USP37: variants seen among roughly 807,000 people sequenced by gnomAD.
USP37 encodes ubiquitin specific peptidase 37, also known as ubiquitin carboxyl-terminal hydrolase 37.
A neutral mutation model predicts 124.0 loss-of-function variants in USP37; 27 were observed. The observed-to-expected ratio is 0.22, with a 90% confidence interval of 0.16 to 0.30. The LOEUF (loss-of-function observed/expected upper bound fraction) is 0.30. USP37 is among the 10% of genes least tolerant of loss of function. USP37 has a pLI of 1.00. For synonymous variants in USP37, 365 were observed against 388.0 expected (o/e 0.94, Z 0.70); for missense variants, 889 against 1,140.4 (o/e 0.78, Z 3.17).
chr2:218,495,685 G>T (rs1689046360), intron 14 of USP37, 75 bp downstream of exon 14: 2 of 1,435,648 alleles, frequency 1.4e-6, no homozygotes, highest in Admixed American at 4.5e-5. Context: ...CATGGCATTT[G>T]GTATGTCATA....
At position 218,514,099 on chromosome 2, in the gene USP37, G is replaced by A. The variant is rs559258190; in HGVS notation, c.864-3959C>T. 3.3e-5 allele frequency among the ~76,000 whole-genome samples: 5 copies of A among 152,198 alleles called. No individual in the cohort carries two copies. In the South Asian group the frequency reaches 6.2e-4, roughly 19 times the overall value. ...CTCCCAAAGTGCTGGGATTACAGGC[G>A]TGAGTCACTGCACCTCGCCTGAAAC... On this transcript the variant is annotated intron_variant, in intron 10 of 25. Coordinates refer to ENST00000258399, the MANE Select transcript of USP37 (RefSeq NM_020935.3).
At chr2:218,534,029 A>G (rs945226122) in intron 9 of USP37, among the ~76,000 whole-genome samples, 5 of 152,244 alleles carry the variant, frequency 3.3e-5, no homozygotes, top group East Asian at 1.9e-4. Flanking sequence ...AATTCATTCT[A>G]TGGTCCTGGT....
intron 20 of USP37, among the ~76,000 whole-genome samples, chr2:218,467,064 ATG>A (rs1023059688): frequency 2.0e-5 from 3 of 152,090 alleles, no homozygotes; most frequent in African/African-American, 7.2e-5. Flanking sequence ...TATGTTGAAC[ATG>A]TGTTTAAACA....
intron 20 of USP37, among the ~76,000 whole-genome samples, chr2:218,467,940 T>C (rs574941946): frequency 1.3e-5 from 2 of 150,786 alleles, no homozygotes; most frequent in Admixed American, 1.3e-4. Flanking sequence ...CAGGGTGGAG[T>C]GCAGCGGCAC....
chr2:218,556,123 T>A (rs1440030798), intron 4 of USP37, among the ~76,000 whole-genome samples: 1 of 152,216 alleles, frequency 6.6e-6, no homozygotes, highest in Non-Finnish European at 1.5e-5. Flanking sequence ...TCTGCTTTCC[T>A]TATGACAAAC....
At chr2:218,525,478 T>C (rs767438049) in intron 10 of USP37, among the ~76,000 whole-genome samples, 12 of 152,200 alleles carry the variant, frequency 7.9e-5, no homozygotes, top group Non-Finnish European at 1.2e-4. Context: ...AGTGAGACCC[T>C]GTCTAAAAAA....
intron 8 of USP37, among the ~76,000 whole-genome samples, chr2:218,541,194 C>T (rs1691951959): frequency 6.6e-6 from 1 of 152,002 alleles, no homozygotes; most frequent in Non-Finnish European, 1.5e-5. Flanking sequence ...GTCCTAGTTC[C>T]CAGAGGGGGT....
intron 15 of USP37, chr2:218,485,993 A>G: frequency 2.5e-6 from 1 of 405,474 alleles, no homozygotes; most frequent in Non-Finnish European, 4.3e-6. Flanking sequence ...AATTTATGAT[A>G]GTAACTAGAC....
chr2:218,527,727 G>GAA (rs1225944430), intron 10 of USP37, among the ~76,000 whole-genome samples: 1 of 152,130 alleles, frequency 6.6e-6, no homozygotes, highest in African/African-American at 2.4e-5. Context: ...CTAATAAGCA[G>GAA]AAATATGTCA....
intron 20 of USP37, among the ~76,000 whole-genome samples, chr2:218,468,854 C>T (rs773964221): frequency 2.6e-5 from 4 of 151,970 alleles, no homozygotes; most frequent in Non-Finnish European, 2.9e-5. Context: ...CCACCACACC[C>T]GGCTCATTTT....
At chr2:218,458,497 AG>A (rs1448201734) in intron 23 of USP37, among the ~76,000 whole-genome samples, 14 of 151,032 alleles carry the variant, frequency 9.3e-5, no homozygotes, top group Non-Finnish European at 1.8e-4. Context: ...GCTTGAGCCC[AG>A]GAAGTGGAGG....
At chr2:218,497,894 CA>C in intron 12 of USP37, 37 bp from the exon 13 acceptor site, 1 of 1,604,372 alleles carries the variant, frequency 6.2e-7, no homozygotes, top group South Asian at 1.1e-5. Context: ...GCACGTTTTA[CA>C]TGACATGGCG....
rs1174645659 is a variant in USP37 at position 218,455,597 on chromosome 2, G to C, written c.2835C>G (p.Ile945Met). 6.2e-7 allele frequency: 1 copy of C among 1,613,040 alleles called. No homozygotes were observed. Among genetic ancestry groups the C allele is most frequent in the African/African-American group, 1.3e-5 (1 of 74,734 alleles). ...VQSDRDRSGYIFFYMHKEIFD... is the reference protein window; with the variant it reads ...VQSDRDRSGYMFFYMHKEIFD... ...TTTCTTACTTGTGCATATAAAAGAAGATGTAGCCACTCCGATCTCGATCAC... is the reference window on the plus strand; with the variant it reads ...TTTCTTACTTGTGCATATAAAAGAACATGTAGCCACTCCGATCTCGATCAC... The change falls in exon 25 of 26, where the codon ATC (isoleucine) becomes ATG (methionine). Residue 945 changes from isoleucine to methionine, a missense_variant. Coordinates refer to ENST00000258399, the MANE Select transcript of USP37 (RefSeq NM_020935.3).
chr2:218,544,978 G>A (rs992832894), intron 8 of USP37, among the ~76,000 whole-genome samples: 4 of 152,236 alleles, frequency 2.6e-5, no homozygotes, highest in East Asian at 1.9e-4. Context: ...AGAGAAGACC[G>A]CACCCAGAGA....
chr2:218,457,244 G>A, intron 23 of USP37, 83 bp from the exon 24 acceptor site: 1 of 1,342,384 alleles, frequency 7.4e-7, no homozygotes, highest in South Asian at 1.3e-5. Flanking sequence ...TATCAAAGCT[G>A]ACATGGCTAA....
At chr2:218,562,516 A>T (rs1693362178) in intron 2 of USP37, among the ~76,000 whole-genome samples, 157 bp downstream of exon 2, 1 of 152,226 alleles carries the variant, frequency 6.6e-6, no homozygotes, top group African/African-American at 2.4e-5. Context: ...CATTTTAGGT[A>T]CTGCTTTGAA....
chr2:218,551,128 G>C (rs1411707281), intron 5 of USP37, among the ~76,000 whole-genome samples: 25 of 152,132 alleles, frequency 1.6e-4, no homozygotes, highest in Non-Finnish European at 2.9e-5. Flanking sequence ...ATGGTTAGTT[G>C]TCTTGTTTAT....
At position 218,546,233 on chromosome 2, in the gene USP37, T is replaced by C. The variant is rs1692313830; in HGVS notation, c.668A>G (p.Asn223Ser). The C allele has an allele frequency of 6.2e-7, 1 of 1,612,506 alleles. No homozygotes were observed. The highest frequency in any genetic ancestry group is 8.5e-7 in the Non-Finnish European group (1 of 1,179,218). Residue 223 changes from asparagine (N) to serine (S), a missense_variant, in exon 8 of 26, where the codon AAT becomes AGT. By Grantham distance (46) the Asn-to-Ser change is conservative (BLOSUM62 1). This residue lies in a region of USP37 where 374 missense variants were observed against 386.0 expected (regional missense o/e 0.97). Transcript: ENST00000258399. ...TAAAGTAACTTACGATGATGAATCA[T>C]TTTCCTTAGGGTAATCTTCATTCAA... The part of the protein sequence containing the change: ...SELNEDYPKE[N>S]DSSSNNKAMT...
chr2:218,451,375 G>A lies in USP37; in HGVS notation c.*3555C>T, dbSNP rs1421499904. The A allele has an allele frequency of 6.6e-6, 1 of 152,070 alleles. No homozygotes were observed. The highest frequency in any genetic ancestry group is 1.5e-5 in the Non-Finnish European group (1 of 68,008). The allele number at this position is 152,070 out of a possible 1,614,324, so 9.4% of individuals were successfully genotyped here. On this transcript the variant is annotated 3_prime_UTR_variant, in exon 26 of 26. Coordinates refer to ENST00000258399, the MANE Select transcript of USP37 (RefSeq NM_020935.3). ...CCTGTTTAAAACAAAAGACCACCTC[G>A]GGGGGTCAATTAAATTAAAAAGGCC...
Sources: gnomAD v4.1 joint callset for allele counts (sites outside exome capture counted in the v4.1 genomes callset) on GRCh38, gnomAD v4.1.1 for gene constraint, gnomAD v4.1.1 regional missense constraint, MANE v1.5 for transcripts, NCBI Gene and HGNC (gene_info 2026-07-23, HGNC 2026-07-21) for gene names.